Variants in WWC2 observed in about 807,000 individuals in gnomAD.
WWC2 encodes WW and C2 domain containing 2.
A neutral mutation model predicts 138.5 loss-of-function variants in WWC2; 101 were observed. That is an observed-to-expected ratio of 0.73 (90% CI 0.62 to 0.86). The LOEUF is 0.86. WWC2 is among the 40% of genes least tolerant of loss of function. The pLI is 0.00. For missense variants in WWC2, 1,420 were observed against 1,419.4 expected (o/e 1.00, Z -0.01); for synonymous variants, 558 against 538.4 (o/e 1.04, Z -0.50).
At position 183,320,474 on chromosome 4, in the gene WWC2, CAGAA is replaced by C. The variant is rs1170402865; in HGVS notation, c.*4748_*4751del. On this transcript the variant is annotated 3_prime_UTR_variant, in exon 23 of 23. Transcript: ENST00000403733. The stretch of plus-strand genomic sequence containing the variant: ...TTTGTGTCCTGTGGGCTGGATTTGA[CAGAA>C]AGCAGTTTGTCACTGAAATATAATT... The C allele has an allele frequency of 4.0e-6, 2 of 495,340 alleles. No homozygotes were observed. Among genetic ancestry groups the C allele is most frequent in the South Asian group, 4.1e-5 (1 of 24,616 alleles). 30.7% of individuals were successfully genotyped at this position (495,340 alleles called of 1,614,324 possible). A position where few individuals can be genotyped will look rare whatever the true frequency, so the allele number is the denominator to read the frequency against.
At chr4:183,117,215 C>CTTTTTTTTT (rs923478529) in intron 1 of WWC2, among the ~76,000 whole-genome samples, 15 of 95,664 alleles carry the variant, frequency 1.6e-4, no homozygotes, top group South Asian at 4.0e-4. Flanking sequence ...CATTCTTCTT[C>CTTTTTTTTT]TTTTTTTTTT....
chr4:183,289,668 G>A (rs1278100179), intron 21 of WWC2, 33 bp downstream of exon 21: 7 of 1,596,614 alleles, frequency 4.4e-6, no homozygotes, highest in African/African-American at 2.7e-5. Context: ...TCTCGGAGGG[G>A]CTTACATCTT....
rs771360497 is a variant in WWC2 at position 183,320,263 on chromosome 4, G to T, written c.*4534G>T. 14 of 1,541,264 alleles carry T rather than the reference G, an allele frequency of 9.1e-6. No homozygotes were observed. The highest frequency in any genetic ancestry group is 2.3e-5 in the East Asian group (1 of 44,384). On this transcript the variant is annotated 3_prime_UTR_variant, in exon 23 of 23. Coordinates refer to ENST00000403733, the MANE Select transcript of WWC2 (RefSeq NM_024949.6). Reference sequence around the variant, plus strand: ...TAGCCAAACTAACTCCTGCCCTTCGGTTGCTGTGAAAAGAAGTGTGACACT... The same window carrying T: ...TAGCCAAACTAACTCCTGCCCTTCGTTTGCTGTGAAAAGAAGTGTGACACT...
intron 11 of WWC2, among the ~76,000 whole-genome samples, chr4:183,261,953 T>C (rs1240831525): frequency 6.6e-6 from 1 of 152,214 alleles, no homozygotes; most frequent in East Asian, 1.9e-4. Context: ...GTGTTTAGAT[T>C]GTTCAGGGAA....
At chr4:183,264,881 T>G in intron 11 of WWC2, 97 bp from the exon 12 acceptor site, 1 of 1,247,996 alleles carries the variant, frequency 8.0e-7, no homozygotes, top group Non-Finnish European at 1.0e-6. Context: ...AAGGAAATCT[T>G]ATTTTGGATT....
intron 1 of WWC2, among the ~76,000 whole-genome samples, chr4:183,136,824 A>G (rs1733130235): frequency 6.6e-6 from 1 of 152,210 alleles, no homozygotes; most frequent in Admixed American, 6.5e-5. Context: ...CAGGGAAACC[A>G]AAAGATTGGA....
intron 1 of WWC2, among the ~76,000 whole-genome samples, chr4:183,150,712 A>T (rs570269848): frequency 6.6e-6 from 1 of 151,802 alleles, no homozygotes; most frequent in South Asian, 2.1e-4. Context: ...CCAGTGTGTG[A>T]TGTTCCCTGC....
chr4:183,315,250 TC>T lies in WWC2; in HGVS notation c.3513-412del, dbSNP rs557264297. On this transcript the variant is annotated intron_variant, in intron 22 of 22. Transcript: ENST00000403733. The stretch of plus-strand genomic sequence containing the variant: ...AGGTTGTCCCTGCCCCGGCATGGTA[TC>T]GATGTAAAGACTTTTCCTGTTATTG... Among the ~76,000 whole-genome samples, 272 of 152,318 alleles carry T rather than the reference TC, an allele frequency of 1.8e-3. 1 individual carries two copies. Among genetic ancestry groups the T allele is most frequent in the Non-Finnish European group, 3.2e-3 (220 of 68,032 alleles).
At chr4:183,160,162 A>C (rs927638003) in intron 1 of WWC2, among the ~76,000 whole-genome samples, 10 of 152,244 alleles carry the variant, frequency 6.6e-5, no homozygotes, top group African/African-American at 2.4e-4. Context: ...ATGATCAGTG[A>C]CAAATCTCAT....
chr4:183,312,762 C>T (rs1739303069), intron 22 of WWC2, among the ~76,000 whole-genome samples: 1 of 152,188 alleles, frequency 6.6e-6, no homozygotes. Flanking sequence ...ACAGAAAACT[C>T]AGACATCTTT....
chr4:183,208,356 G>T lies in WWC2; in HGVS notation c.445+200G>T, dbSNP rs189290807. Among the ~76,000 whole-genome samples, 670 of 152,330 alleles carry T rather than the reference G, an allele frequency of 4.4e-3. 4 individuals are homozygous for T. The highest frequency in any genetic ancestry group is 0.016 in the African/African-American group (652 of 41,574). ...CAGATAAAAGAATCCCTGTTTGGGG[G>T]TTATGCATGCCTTCTGTTTCTGCAC... is the stretch of plus-strand genomic sequence containing the variant. On this transcript the variant is annotated intron_variant, in intron 3 of 22. Transcript: ENST00000403733.
chr4:183,295,826 C>T lies in WWC2; in HGVS notation c.3384+6191C>T, dbSNP rs541072488. Among the ~76,000 whole-genome samples, 4 of 152,264 alleles carry T rather than the reference C, an allele frequency of 2.6e-5. No homozygotes were observed. In the East Asian group the frequency reaches 7.7e-4, roughly 29 times the overall value. On this transcript the variant is annotated intron_variant, in intron 21 of 22. Coordinates refer to ENST00000403733, the MANE Select transcript of WWC2 (RefSeq NM_024949.6). ...ACCCCTTGTTTGTTTGTTTTCGTCC[C>T]TATCTACCGACCTATCATTCTGTTC...
Position 183,312,453 on chromosome 4 carries a change from A to C in WWC2, c.3497A>C (p.Gln1166Pro). 6.2e-7 allele frequency: 1 copy of C among 1,613,728 alleles called. No individual in the cohort carries two copies. Among genetic ancestry groups the C allele is most frequent in the Non-Finnish European group, 8.5e-7 (1 of 1,179,704 alleles). ...LREQSQKVPR[Q>P]VQSFREKIAY... Reference sequence around the variant, plus strand: ...GAGCAGAGCCAGAAGGTGCCTCGGCAGGTGCAGTCCTTCAGGTGAATAGCC... The same window carrying C: ...GAGCAGAGCCAGAAGGTGCCTCGGCCGGTGCAGTCCTTCAGGTGAATAGCC... The change falls in exon 22 of 23, where the codon CAG becomes CCG. Residue 1166 changes from glutamine (Q) to proline (P), a missense_variant. Transcript: ENST00000403733.
chr4:183,299,850 T>C (rs1023917658), intron 21 of WWC2, among the ~76,000 whole-genome samples: 1 of 152,066 alleles, frequency 6.6e-6, no homozygotes, highest in African/African-American at 2.4e-5. Context: ...CCAATTGCCA[T>C]AAAAAATATG....
intron 16 of WWC2, among the ~76,000 whole-genome samples, chr4:183,272,783 A>G (rs1737730637): frequency 6.6e-6 from 1 of 152,184 alleles, no homozygotes; most frequent in African/African-American, 2.4e-5. Flanking sequence ...TGCAGTATTA[A>G]TATTTTATTC....
In WWC2 at chr4:183,287,147, C is replaced by G. The variant is rs138497562; in HGVS notation, c.3141+1088C>G. 2.0e-5 allele frequency among the ~76,000 whole-genome samples: 3 copies of G among 152,230 alleles called. No homozygotes were observed. The East Asian group carries it at 5.8e-4, about 29-fold the overall frequency. ...CACTCTGGTCTCATTCTGCCATGTG[C>G]AGAGTAAGAGATGCCTGGCCAGGCA... On this transcript the variant is annotated intron_variant, in intron 20 of 22. Transcript: ENST00000403733.
At chr4:183,273,494 G>A (rs1389441841) in intron 16 of WWC2, among the ~76,000 whole-genome samples, 1 of 151,994 alleles carries the variant, frequency 6.6e-6, no homozygotes, top group Non-Finnish European at 1.5e-5. Context: ...AGTAGAGACG[G>A]GGTTTCTCCA....
chr4:183,161,550 AAC>A (rs761821770), intron 1 of WWC2, among the ~76,000 whole-genome samples: 2 of 152,188 alleles, frequency 1.3e-5, no homozygotes, highest in African/African-American at 2.4e-5. Flanking sequence ...TTATAGAAGA[AAC>A]ACAGTCACAC....
chr4:183,154,230 C>A (rs567612803), intron 1 of WWC2, among the ~76,000 whole-genome samples: 2 of 152,222 alleles, frequency 1.3e-5, no homozygotes, highest in Non-Finnish European at 2.9e-5. Context: ...CCTGGCTCTG[C>A]CTTTCACTGG....
Sources: allele counts gnomAD v4.1 joint callset (sites outside exome capture counted in the v4.1 genomes callset), GRCh38; gene constraint gnomAD v4.1.1; transcripts MANE v1.5; gene names NCBI Gene and HGNC (gene_info 2026-07-23, HGNC 2026-07-21).